MRO: variants seen among roughly 807,000 people sequenced by gnomAD.
MRO encodes maestro.
A neutral mutation model predicts 31.0 loss-of-function variants in MRO; 28 were observed. The observed-to-expected ratio is 0.90, with a 90% CI of 0.67 to 1.24. MRO has a LOEUF of 1.24. MRO is among the 50% of genes most tolerant of loss of function. The probability of loss-of-function intolerance (pLI) is 0.00; values close to 1 mark genes in which losing one functional copy is unlikely to be tolerated. For missense variants in MRO, 332 were observed against 289.2 expected, an observed-to-expected ratio of 1.15 and a Z score of -1.07; for synonymous variants, 108 against 108.4, an observed-to-expected ratio of 1.00 and a Z score of 0.02.
chr18:50,809,476 A>T, intron 2 of MRO, 72 bp from the exon 3 acceptor site: 2 of 1,058,092 alleles, frequency 1.9e-6, no homozygotes, highest in Non-Finnish European at 2.9e-6. Flanking sequence ...TGTACAATGC[A>T]TTGTGCTGGG....
At chr18:50,806,299 G>T (rs1039934597) in intron 4 of MRO, among the ~76,000 whole-genome samples, 2 of 152,160 alleles carry the variant, frequency 1.3e-5, no homozygotes, top group African/African-American at 4.8e-5. Context: ...GAGGAAGTGA[G>T]CTGCCTGCTG....
intron 3 of MRO, among the ~76,000 whole-genome samples, chr18:50,807,852 C>T (rs1248785337): frequency 6.6e-6 from 1 of 152,184 alleles, no homozygotes; most frequent in Non-Finnish European, 1.5e-5. Context: ...CCGAGGCAGG[C>T]GGATCGCCTG....
chr18:50,816,001 T>A (rs1914886151), intron 2 of MRO: 3 of 154,592 alleles, frequency 1.9e-5, no homozygotes, highest in African/African-American at 7.2e-5. Flanking sequence ...GCCCCTGCAC[T>A]CCAGCATGGG....
At chr18:50,814,761 A>C (rs1272693742) in intron 2 of MRO, 1 of 154,486 alleles carries the variant, frequency 6.5e-6, no homozygotes, top group East Asian at 1.9e-4. Context: ...GACAAGATTG[A>C]AACCACAGAA....
upstream of MRO, among the ~76,000 whole-genome samples, chr18:50,822,558 C>G (rs1915344035): frequency 6.6e-6 from 1 of 151,980 alleles, no homozygotes. Flanking sequence ...GGCTGGTCTC[C>G]AACTCCTGAC....
At chr18:50,815,650 T>C in intron 2 of MRO, 1 of 353,882 alleles carries the variant, frequency 2.8e-6, no homozygotes. Context: ...GGGGGCAGTT[T>C]TGGTGGAAGA....
At position 50,819,998 on chromosome 18, in the gene MRO, T is replaced by C; in HGVS notation, c.-228A>G. 6.5e-7 allele frequency: 1 copy of C among 1,538,870 alleles called. No individual in the cohort carries two copies. Among genetic ancestry groups the C allele is most frequent in the Non-Finnish European group, 8.8e-7 (1 of 1,135,998 alleles). ...GCCTGGTCGACACTTTCTGCAGAAA[T>C]TCTGCAGATGGCAATTCTGGGGACC... On this transcript the variant is annotated 5_prime_UTR_variant, in exon 1 of 8. Transcript: ENST00000398439.
chr18:50,805,255 T>A lies in MRO; in HGVS notation c.328A>T (p.Ser110Cys). 1 of 1,614,074 alleles carries A rather than the reference T, an allele frequency of 6.2e-7. No homozygotes were observed. Among genetic ancestry groups the A allele is most frequent in the South Asian group, 1.1e-5 (1 of 91,076 alleles). The change falls in exon 5 of 8, where the codon AGT (serine) becomes TGT (cysteine). Residue 110 changes from serine (S) to cysteine (C), a missense_variant. Physicochemically the swap from Ser to Cys is moderately radical, Grantham distance 112. Transcript: ENST00000398439. ...AGAACGACGGTCAGAGTCTTCATAC[T>A]CTCATGGATGACTTCCAAATTCACA... ...DPVNLEVIHE[S>C]MKTLTVVLGK...
intron 5 of MRO, among the ~76,000 whole-genome samples, chr18:50,804,665 C>G (rs941653759): frequency 6.6e-6 from 1 of 152,052 alleles, no homozygotes; most frequent in African/African-American, 2.4e-5. Flanking sequence ...AGATAAAATT[C>G]TATACATCTT....
rs1913048257 is a variant in MRO, at chr18:50,799,264, A to G, written c.*73T>C. On this transcript the variant is annotated 3_prime_UTR_variant, in exon 8 of 8. Coordinates refer to ENST00000398439, the MANE Select transcript of MRO (RefSeq NM_031939.6). ...AGGCAAGCAGTGAGAAGAGGCATCCAGTGAGATAAAACAGGGGAACATGAT... is the reference window on the plus strand; with the variant it reads ...AGGCAAGCAGTGAGAAGAGGCATCCGGTGAGATAAAACAGGGGAACATGAT... The G allele has an allele frequency of 3.1e-6, 4 of 1,306,808 alleles. No homozygotes were observed. Among genetic ancestry groups the G allele is most frequent in the Non-Finnish European group, 4.4e-6 (4 of 900,898 alleles). The allele number at this position is 1,306,808 out of a possible 1,614,324, so 81.0% of individuals were successfully genotyped here.
In MRO at chr18:50,806,848, G is replaced by T. The variant is rs1180748054; in HGVS notation, c.102C>A (p.Val34=). ...GCTTCTGGAACCTCAGTTTCCAAGA[G>T]ACCTGGGTGATGGGTCAAAAATGTA... ...RTSMISFFSK[V]SWKLRFQKRE... Residue 34 remains valine (V), a splice_region_variant and synonymous_variant, in exon 4 of 8, where the codon GTC becomes GTA. Transcript: ENST00000398439. 3 of 1,614,096 alleles carry T rather than the reference G, an allele frequency of 1.9e-6. No individual in the cohort carries two copies. The highest frequency in any genetic ancestry group is 1.1e-5 in the South Asian group (1 of 91,080).
intron 6 of MRO, among the ~76,000 whole-genome samples, 178 bp from the exon 7 acceptor site, chr18:50,800,321 T>C (rs1324433162): frequency 6.6e-6 from 1 of 152,170 alleles, no homozygotes; most frequent in Non-Finnish European, 1.5e-5. Flanking sequence ...AAAATGGCCA[T>C]GTCTATAATT....
chr18:50,802,722 TTTTG>T (rs1431666746), intron 5 of MRO, among the ~76,000 whole-genome samples: 1 of 152,008 alleles, frequency 6.6e-6, no homozygotes, highest in African/African-American at 2.4e-5. Flanking sequence ...TTTTTTTTGT[TTTTG>T]TTTTTGTTTT....
chr18:50,824,702 C>T (rs1259792868), upstream of MRO, among the ~76,000 whole-genome samples: 2 of 150,006 alleles, frequency 1.3e-5, no homozygotes, highest in Admixed American at 6.6e-5. Flanking sequence ...GATCCGCCCA[C>T]CTCGGCCTCC....
At position 50,801,512 on chromosome 18, in the gene MRO, C is replaced by G. The variant is rs1002414140; in HGVS notation, c.430-8G>C. 2.3e-5 allele frequency: 37 copies of G among 1,575,650 alleles called. No homozygotes were observed. The highest frequency in any genetic ancestry group is 3.1e-5 in the Non-Finnish European group (36 of 1,162,006). On this transcript the variant is annotated splice_polypyrimidine_tract_variant and splice_region_variant and intron_variant, in intron 5 of 7. Coordinates refer to ENST00000398439, the MANE Select transcript of MRO (RefSeq NM_031939.6). ...TCTCAGACTGTCGTTCTCCTGCGGT[C>G]CCCATCAACAAAACAATAAGAAAGC...
intron 4 of MRO, 41 bp from the exon 5 acceptor site, chr18:50,805,377 G>C: frequency 6.4e-7 from 1 of 1,573,716 alleles, no homozygotes; most frequent in Non-Finnish European, 8.7e-7. Context: ...CACAGGAACT[G>C]CTCCCCATAG....
rs915121243 is a variant in MRO, at chr18:50,798,645, T to C, written c.*692A>G. 9.9e-5 allele frequency: 15 copies of C among 152,240 alleles called. No individual in the cohort carries two copies. Among genetic ancestry groups the C allele is most frequent in the African/African-American group, 3.6e-4 (15 of 41,452 alleles). The allele number at this position is 152,240 out of a possible 1,614,324, so 9.4% of individuals were successfully genotyped here. A position where few individuals can be genotyped will look rare whatever the true frequency, so the allele number is the denominator to read the frequency against. ...GAACTTACAAAAAGCACTTTGACCG[T>C]GCCCACTGAATTGTAAGCACTCGGT... On this transcript the variant is annotated 3_prime_UTR_variant, in exon 8 of 8. Transcript: ENST00000398439.
chr18:50,814,579 A>G (rs1914745426), intron 2 of MRO: 2 of 211,476 alleles, frequency 9.5e-6, no homozygotes, highest in East Asian at 1.1e-4. Flanking sequence ...TCATGCAGCA[A>G]AGTGTGCTCA....
intron 5 of MRO, among the ~76,000 whole-genome samples, 192 bp from the exon 6 acceptor site, chr18:50,801,696 G>T (rs147533256): frequency 6.6e-6 from 1 of 152,218 alleles, no homozygotes; most frequent in Non-Finnish European, 1.5e-5. Flanking sequence ...TGGGTGGGTG[G>T]GGGTGGCTTG....
Sources: allele counts gnomAD v4.1 joint callset (sites outside exome capture counted in the v4.1 genomes callset), GRCh38; gene constraint gnomAD v4.1.1; transcripts MANE v1.5; gene names NCBI Gene and HGNC (gene_info 2026-07-23, HGNC 2026-07-21).